PCDHGA3: variants seen among roughly 807,000 people sequenced by gnomAD.
PCDHGA3 encodes protocadherin gamma subfamily A, 3, also known as protocadherin gamma-A3.
PCDHGA3 carries 40 observed loss-of-function variants against 58.5 expected under a neutral mutation model. The observed-to-expected ratio is 0.68, with a 90% confidence interval of 0.53 to 0.89. PCDHGA3 has a LOEUF of 0.89. Ranked by LOEUF, PCDHGA3 falls within the 40% of genes least tolerant of loss-of-function variation. The probability of loss-of-function intolerance (pLI) is 0.00; values close to 1 mark genes in which losing one functional copy is unlikely to be tolerated. For missense variants in PCDHGA3, 1,223 were observed against 1,195.9 expected (o/e 1.02, Z -0.33); for synonymous variants, 530 against 525.7 (o/e 1.01, Z -0.11).
Position 141,437,685 on chromosome 5 carries a change from G to A in PCDHGA3, c.2425-57122G>A, listed in dbSNP as rs116699614. ...GAAGAGATGTTGATCAAACTGATGA[G>A]GCTAAATCTCAAGAAAGAGACACAG... On this transcript the variant is annotated intron_variant, in intron 1 of 3. Coordinates refer to ENST00000253812, the MANE Select transcript of PCDHGA3 (RefSeq NM_018916.4). Among the ~76,000 whole-genome samples the A allele has an allele frequency of 1.0e-2, 1,519 of 151,976 alleles. 34 individuals carry two copies. The highest frequency in any genetic ancestry group is 0.034 in the African/African-American group (1,425 of 41,440).
intron 1 of PCDHGA3, chr5:141,395,547 TGTGTGTGTGTGTGTGTGTGTGTGTG>T: frequency 5.8e-6 from 1 of 173,894 alleles, no homozygotes; most frequent in Admixed American, 6.5e-5. Context: ...ATTGTTTGTG[TGTGTGTGTGTGTGTGTGTGTGTGTG>T]TGTGTGTGTG....
intron 1 of PCDHGA3, chr5:141,478,743 A>G: frequency 6.5e-7 from 1 of 1,528,732 alleles, no homozygotes; most frequent in Non-Finnish European, 8.8e-7. Context: ...TTGTGGTCCC[A>G]TTTCAGGGGG....
chr5:141,419,869 G>A, intron 1 of PCDHGA3: 3 of 1,614,072 alleles, frequency 1.9e-6, no homozygotes, highest in South Asian at 1.1e-5. Flanking sequence ...GCTTGCAAGA[G>A]GTACTGCCGG....
chr5:141,427,840 A>G (rs779622800), intron 1 of PCDHGA3: 1 of 1,548,180 alleles, frequency 6.5e-7, no homozygotes, highest in Non-Finnish European at 8.8e-7. Flanking sequence ...CGTGCCTTCG[A>G]CCACGAGCAG....
Position 141,439,440 on chromosome 5 carries a change from A to T in PCDHGA3, c.2425-55367A>T, listed in dbSNP as rs147662506. 1.4e-3 allele frequency among the ~76,000 whole-genome samples: 212 copies of T among 152,330 alleles called. 1 individual carries two copies. The highest frequency in any genetic ancestry group is 4.8e-3 in the African/African-American group (198 of 41,576). On this transcript the variant is annotated intron_variant, in intron 1 of 3. Transcript: ENST00000253812. Reference sequence around the variant, plus strand: ...GGTTATAAATTCCCAGGAATATTTTATTGCGGGAGCAAGACTGCACTGCTG... The same window carrying T: ...GGTTATAAATTCCCAGGAATATTTTTTTGCGGGAGCAAGACTGCACTGCTG...
intron 1 of PCDHGA3, among the ~76,000 whole-genome samples, chr5:141,454,796 A>AT (rs61612330): frequency 0.026 from 2,045 of 77,400 alleles, 387 homozygotes; most frequent in East Asian, 0.04. Flanking sequence ...CATGGTTCTA[A>AT]TTTTTTTTTT....
chr5:141,403,612 GC>G, intron 1 of PCDHGA3: 1 of 1,613,854 alleles, frequency 6.2e-7, no homozygotes, highest in Non-Finnish European at 8.5e-7. Flanking sequence ...GCGGCGAGCC[GC>G]GTCGCTCCAG....
chr5:141,403,362 G>A lies in PCDHGA3; in HGVS notation c.2424+56905G>A, dbSNP rs200979571. 157 of 1,613,944 alleles carry A rather than the reference G, an allele frequency of 9.7e-5. No homozygotes were observed. Among genetic ancestry groups the A allele is most frequent in the Admixed American group, 4.3e-4 (26 of 60,012 alleles). On this transcript the variant is annotated intron_variant, in intron 1 of 3. Transcript: ENST00000253812. ...AGCGCCCCAAAGTTCCAGGCCGAAA[G>A]TCTGGAAGTAAAAATTAACGAAATC... is the stretch of plus-strand genomic sequence containing the variant.
At chr5:141,500,619 G>A (rs1230172485) in intron 2 of PCDHGA3, among the ~76,000 whole-genome samples, 1 of 152,072 alleles carries the variant, frequency 6.6e-6, no homozygotes, top group East Asian at 1.9e-4. Context: ...CCAGTCATAC[G>A]GTACATTTCC....
chr5:141,372,224 G>C (rs766861746), intron 1 of PCDHGA3: 25 of 1,613,414 alleles, frequency 1.5e-5, no homozygotes, highest in Non-Finnish European at 2.0e-5. Flanking sequence ...ACATTGTGCA[G>C]GCCAGCGAGC....
intron 1 of PCDHGA3, chr5:141,355,845 C>G: frequency 6.2e-7 from 1 of 1,612,278 alleles, no homozygotes; most frequent in East Asian, 2.2e-5. Context: ...TCACGGCCTT[C>G]GATGGAGGTG....
At chr5:141,384,202 GA>G (rs1561601011) in intron 1 of PCDHGA3, 1 of 1,613,852 alleles carries the variant, frequency 6.2e-7, no homozygotes, top group Non-Finnish European at 8.5e-7. Flanking sequence ...CTTGTCCAGG[GA>G]AACTCACATA....
chr5:141,415,077 A>C, intron 1 of PCDHGA3: 2 of 1,613,468 alleles, frequency 1.2e-6, no homozygotes, highest in Non-Finnish European at 1.7e-6. Flanking sequence ...GCACGGCGCG[A>C]GCCCTGCTGG....
chr5:141,372,935 T>C, intron 1 of PCDHGA3: 2 of 830,688 alleles, frequency 2.4e-6, no homozygotes, highest in Non-Finnish European at 3.6e-6. Context: ...TGGTGTAGAG[T>C]AGGGTGTCTA....
At chr5:141,459,703 T>G (rs2098973426) in intron 1 of PCDHGA3, among the ~76,000 whole-genome samples, 1 of 152,226 alleles carries the variant, frequency 6.6e-6, no homozygotes, top group African/African-American at 2.4e-5. Context: ...CTTGCTACAT[T>G]TTCTCACCAA....
In PCDHGA3 at chr5:141,491,736, G is replaced by T; in HGVS notation, c.2425-3071G>T. The T allele has an allele frequency of 6.2e-7, 1 of 1,600,560 alleles. No individual in the cohort carries two copies. Among genetic ancestry groups the T allele is most frequent in the Non-Finnish European group, 8.5e-7 (1 of 1,174,270 alleles). ...CGGCGCCGCCCCGGGCGACCCCTGG[G>T]GGCGGCACTGGAGAAGCCGCCCGTC... On this transcript the variant is annotated intron_variant, in intron 1 of 3. Coordinates refer to ENST00000253812, the MANE Select transcript of PCDHGA3 (RefSeq NM_018916.4). This position sits in a 1 kb window ranked among gnomAD's most constrained non-coding sequence, Gnocchi z 6.9.
In PCDHGA3 at chr5:141,404,687, C is replaced by T. The variant is rs190249934; in HGVS notation, c.2424+58230C>T. 2,728 of 1,614,088 alleles carry T rather than the reference C, an allele frequency of 1.7e-3. 3 individuals carry two copies. Among genetic ancestry groups the T allele is most frequent in the Non-Finnish European group, 2.2e-3 (2,615 of 1,179,946 alleles). On this transcript the variant is annotated intron_variant, in intron 1 of 3. Coordinates refer to ENST00000253812, the MANE Select transcript of PCDHGA3 (RefSeq NM_018916.4). ...TGGTTCTACTGGTGTGGAGCTGGCA[C>T]CCCGCTCTGCAGAGCCTGGCTACCT...
chr5:141,421,569 C>T (rs1029858235), intron 1 of PCDHGA3: 2 of 1,613,884 alleles, frequency 1.2e-6, no homozygotes, highest in Non-Finnish European at 1.7e-6. Flanking sequence ...TGGAAGACAC[C>T]TTGAAGATTT....
intron 1 of PCDHGA3, chr5:141,374,379 G>A (rs1163047741): frequency 6.2e-7 from 1 of 1,614,042 alleles, no homozygotes; most frequent in Non-Finnish European, 8.5e-7. Flanking sequence ...TGTGCTCAGA[G>A]CCCGCGGTGT....
Sources: allele counts gnomAD v4.1 joint callset (sites outside exome capture counted in the v4.1 genomes callset), GRCh38; gene constraint gnomAD v4.1.1; non-coding constraint Gnocchi (gnomAD v3.1); transcripts MANE v1.5; gene names NCBI Gene and HGNC (gene_info 2026-07-23, HGNC 2026-07-21).